CACNA1D: variants seen among roughly 807,000 people sequenced by gnomAD.
The protein encoded by CACNA1D is calcium voltage-gated channel subunit alpha1 D.
A neutral mutation model predicts 257.1 loss-of-function variants in CACNA1D; 55 were observed. The observed-to-expected ratio is 0.21, with a 90% confidence interval of 0.17 to 0.27. The LOEUF is 0.27. Among genes scored for constraint, CACNA1D ranks in the 10% least tolerant of loss-of-function variants. CACNA1D has a pLI of 1.00. For missense variants in CACNA1D, 1,876 were observed against 2,784.0 expected (o/e 0.67, Z 7.34); for synonymous variants, 980 against 1,014.9 (o/e 0.97, Z 0.65).
chr3:53,735,910 C>T (rs1183697312), intron 20 of CACNA1D, among the ~76,000 whole-genome samples: 1 of 152,162 alleles, frequency 6.6e-6, no homozygotes. Context: ...CACCACATGC[C>T]CAGGCTGTCT....
intron 3 of CACNA1D, among the ~76,000 whole-genome samples, chr3:53,596,365 A>G (rs1408249815): frequency 6.6e-6 from 1 of 152,178 alleles, no homozygotes; most frequent in Admixed American, 6.5e-5. Context: ...AGAGTCTGCC[A>G]GGAGATAGGT....
In CACNA1D at chr3:53,718,479, C is replaced by G. The variant is rs556678086; in HGVS notation, c.1478+91C>G. ...GACCGCCCAGGCTGCAGCAGAGCCC[C>G]GGGCCATCGCCTTGGGTGTGGCGGG... is the stretch of plus-strand genomic sequence containing the variant. On this transcript the variant is annotated intron_variant, in intron 10 of 47. Transcript: ENST00000350061. 4.3e-6 allele frequency: 5 copies of G among 1,170,634 alleles called. No individual in the cohort carries two copies. The African/African-American group carries it at 4.5e-5, about 11-fold the overall frequency. The allele number at this position is 1,170,634 out of a possible 1,614,324, so 72.5% of individuals were successfully genotyped here.
intron 9 of CACNA1D, among the ~76,000 whole-genome samples, chr3:53,709,891 G>A (rs2094731907): frequency 6.6e-6 from 1 of 152,184 alleles, no homozygotes; most frequent in African/African-American, 2.4e-5. Flanking sequence ...TACAGGTGTG[G>A]AGGAAACTAA....
In CACNA1D at chr3:53,788,042, G is replaced by A. The variant is rs368817499; in HGVS notation, c.4923+1090G>A. Among the ~76,000 whole-genome samples the A allele has an allele frequency of 2.4e-4, 36 of 152,294 alleles. No individual in the cohort carries two copies. In the South Asian group the frequency reaches 3.3e-3, roughly 14 times the overall value. On this transcript the variant is annotated intron_variant, in intron 40 of 47. Coordinates refer to ENST00000350061, the MANE Select transcript of CACNA1D (RefSeq NM_001128840.3). ...TCTTATCCAGGGAAAAATGCGCAGCGTTGTGTGTTCAAAGTGATGGTAACA... is the reference window on the plus strand; with the variant it reads ...TCTTATCCAGGGAAAAATGCGCAGCATTGTGTGTTCAAAGTGATGGTAACA...
intron 8 of CACNA1D, among the ~76,000 whole-genome samples, chr3:53,685,193 A>G (rs1235539109): frequency 6.6e-6 from 1 of 152,208 alleles, no homozygotes; most frequent in Non-Finnish European, 1.5e-5. Flanking sequence ...ACTTTAGTAT[A>G]AGGAACATTT....
chr3:53,514,726 G>A (rs186665343), intron 3 of CACNA1D, among the ~76,000 whole-genome samples: 91 of 152,286 alleles, frequency 6.0e-4, no homozygotes, highest in African/African-American at 2.0e-3. Context: ...GGGAAGACCA[G>A]CCGGCTTGCT....
intron 3 of CACNA1D, among the ~76,000 whole-genome samples, chr3:53,542,948 A>C (rs1260138950): frequency 6.6e-6 from 1 of 152,068 alleles, no homozygotes; most frequent in Non-Finnish European, 1.5e-5. Flanking sequence ...GCTACTTGGG[A>C]GGCTGAGGCA....
chr3:53,621,518 C>T (rs1207995919), intron 3 of CACNA1D, among the ~76,000 whole-genome samples: 1 of 152,188 alleles, frequency 6.6e-6, no homozygotes, highest in Non-Finnish European at 1.5e-5. Context: ...ATAAGTGTAA[C>T]ATAGGCTTAA....
At chr3:53,626,144 A>G (rs1294118208) in intron 3 of CACNA1D, among the ~76,000 whole-genome samples, 2 of 152,234 alleles carry the variant, frequency 1.3e-5, no homozygotes, top group African/African-American at 4.8e-5. Flanking sequence ...GGGACCCCTC[A>G]GAGGTGATTC....
intron 3 of CACNA1D, among the ~76,000 whole-genome samples, chr3:53,543,385 C>T (rs78792747): frequency 0.02 from 3,069 of 152,244 alleles, 145 homozygotes; most frequent in South Asian, 0.16. Context: ...TAAAGGACTT[C>T]AGCATTTACA....
intron 3 of CACNA1D, among the ~76,000 whole-genome samples, chr3:53,579,933 C>T (rs1457629655): frequency 6.6e-6 from 1 of 152,218 alleles, no homozygotes; most frequent in Non-Finnish European, 1.5e-5. Context: ...GCCAGTGGGG[C>T]CAGGGCAGGG....
At chr3:53,654,475 G>A (rs1162437025) in intron 4 of CACNA1D, among the ~76,000 whole-genome samples, 1 of 152,200 alleles carries the variant, frequency 6.6e-6, no homozygotes, top group Non-Finnish European at 1.5e-5. Flanking sequence ...TAGTTGGAAT[G>A]ATTAAATATT....
chr3:53,804,699 A>T (rs1429418951), intron 44 of CACNA1D, among the ~76,000 whole-genome samples: 1 of 152,178 alleles, frequency 6.6e-6, no homozygotes, highest in Admixed American at 6.5e-5. Context: ...CACGGAGGAA[A>T]TGAGTGGGTG....
chr3:53,717,803 G>T (rs1011304995), intron 9 of CACNA1D, among the ~76,000 whole-genome samples: 1 of 152,120 alleles, frequency 6.6e-6, no homozygotes, highest in East Asian at 1.9e-4. Flanking sequence ...TGTTGTGCAT[G>T]GTACCTTCAT....
chr3:53,609,710 C>T (rs1010681832), intron 3 of CACNA1D, among the ~76,000 whole-genome samples: 1 of 151,924 alleles, frequency 6.6e-6, no homozygotes, highest in African/African-American at 2.4e-5. Flanking sequence ...GTTGAAAAAA[C>T]CACCTTTTTC....
chr3:53,724,753 G>A (rs2094915767), intron 14 of CACNA1D, among the ~76,000 whole-genome samples: 1 of 152,328 alleles, frequency 6.6e-6, no homozygotes, highest in East Asian at 1.9e-4. Flanking sequence ...GAGAGGAAAG[G>A]CAGCAGACAG....
Position 53,811,080 on chromosome 3 carries a change from C to A in CACNA1D, c.6193-33C>A, listed in dbSNP as rs752379105. The stretch of plus-strand genomic sequence containing the variant: ...CCCTGCCCTGCAAAGCCTTATAACA[C>A]CCCCATGCCATCCATCCCTCTTTTC... On this transcript the variant is annotated intron_variant, in intron 47 of 47. Coordinates refer to ENST00000350061, the MANE Select transcript of CACNA1D (RefSeq NM_001128840.3). The surrounding 1 kb of genome is among the most constrained non-coding windows in gnomAD (Gnocchi z 4.2). 4.4e-6 allele frequency: 7 copies of A among 1,586,644 alleles called. No individual in the cohort carries two copies. The highest frequency in any genetic ancestry group is 2.2e-5 in the East Asian group (1 of 44,752).
At chr3:53,739,426 T>C (rs1046316563) in intron 20 of CACNA1D, among the ~76,000 whole-genome samples, 10 of 152,210 alleles carry the variant, frequency 6.6e-5, no homozygotes, top group Non-Finnish European at 1.5e-4. Flanking sequence ...GCAGCTTTCC[T>C]GGTGGTCAGA....
At chr3:53,593,692 C>CAA (rs2093336523) in intron 3 of CACNA1D, among the ~76,000 whole-genome samples, 1 of 152,194 alleles carries the variant, frequency 6.6e-6, no homozygotes, top group Admixed American at 6.5e-5. Context: ...TCTTCCCCCT[C>CAA]AAAGTGTGGG....
Sources: allele counts gnomAD v4.1 joint callset (sites outside exome capture counted in the v4.1 genomes callset), GRCh38; gene constraint gnomAD v4.1.1; non-coding constraint Gnocchi (gnomAD v3.1); transcripts MANE v1.5; gene names NCBI Gene and HGNC (gene_info 2026-07-23, HGNC 2026-07-21).